SLC17A6: variants seen among roughly 807,000 people sequenced by gnomAD.
The protein encoded by SLC17A6 is vesicular glutamate transporter 2.
A neutral mutation model predicts 67.1 loss-of-function variants in SLC17A6; 35 were observed. That is an observed-to-expected ratio of 0.52 (90% confidence interval 0.40 to 0.69). The LOEUF (loss-of-function observed/expected upper bound fraction) is 0.69, where lower values mean the gene tolerates loss of function less well. Among genes scored for constraint, SLC17A6 ranks in the 30% least tolerant of loss-of-function variants. The pLI, the probability that SLC17A6 is intolerant of heterozygous loss-of-function variation, is 0.00. For synonymous variants in SLC17A6, 285 were observed against 252.3 expected (o/e 1.13, Z -1.23); for missense variants, 588 against 723.9 (o/e 0.81, Z 2.15).
chr11:22,374,900 G>C lies in SLC17A6; in HGVS notation c.1174+13G>C. The C allele has an allele frequency of 6.2e-7, 1 of 1,606,044 alleles. No homozygotes were observed. On this transcript the variant is annotated intron_variant, in intron 9 of 11. Coordinates refer to ENST00000263160, the MANE Select transcript of SLC17A6 (RefSeq NM_020346.3). ...ATGAATTGTGGTGGTAAGTACATAAGTGGCACTAAGGACATGTTTTTAGTT... is the reference window on the plus strand; with the variant it reads ...ATGAATTGTGGTGGTAAGTACATAACTGGCACTAAGGACATGTTTTTAGTT...
At chr11:22,375,891 A>T in intron 9 of SLC17A6, 91 bp from the exon 10 acceptor site, 1 of 730,220 alleles carries the variant, frequency 1.4e-6, no homozygotes, top group Non-Finnish European at 2.3e-6. Flanking sequence ...TGGAATTTCT[A>T]GGTCAATAAG....
intron 3 of SLC17A6, among the ~76,000 whole-genome samples, chr11:22,356,003 G>A: frequency 6.6e-6 from 1 of 152,106 alleles, no homozygotes; most frequent in South Asian, 2.1e-4. Flanking sequence ...CTTTTTCTAA[G>A]TGCCTGCTGA....
intron 8 of SLC17A6, 130 bp downstream of exon 8, chr11:22,370,318 C>A: frequency 1.4e-6 from 1 of 736,462 alleles, no homozygotes. Flanking sequence ...CAAATAACTG[C>A]TAGGAAATAG....
intron 7 of SLC17A6, among the ~76,000 whole-genome samples, 198 bp from the exon 8 acceptor site, chr11:22,369,841 T>A (rs1405566653): frequency 6.6e-6 from 1 of 152,020 alleles, no homozygotes; most frequent in African/African-American, 2.4e-5. Context: ...GTGATTGAGA[T>A]CTTATTTTTT....
intron 3 of SLC17A6, among the ~76,000 whole-genome samples, chr11:22,354,327 A>G (rs1175287095): frequency 6.6e-6 from 1 of 152,102 alleles, no homozygotes; most frequent in Non-Finnish European, 1.5e-5. Context: ...CAGGCGATCC[A>G]CCCACCTCGG....
chr11:22,351,839 G>GA (rs1279000071), intron 3 of SLC17A6, among the ~76,000 whole-genome samples: 3 of 152,094 alleles, frequency 2.0e-5, no homozygotes, highest in African/African-American at 7.2e-5. Context: ...GTAGTGCTGT[G>GA]AAACCCAATT....
intron 1 of SLC17A6, 54 bp from the exon 2 acceptor site, chr11:22,341,474 A>C (rs1052301853): frequency 1.3e-6 from 2 of 1,591,042 alleles, no homozygotes; most frequent in African/African-American, 1.3e-5. Context: ...ATGGGTCAGC[A>C]TCGGGGGTAC....
intron 3 of SLC17A6, 145 bp downstream of exon 3, chr11:22,343,510 G>A (rs1026931600): frequency 3.2e-6 from 2 of 622,742 alleles, no homozygotes; most frequent in Non-Finnish European, 2.7e-6. Context: ...ACCCTCTCAG[G>A]GCTGGAGCTG....
At chr11:22,365,159 TG>T (rs1456348647) in intron 6 of SLC17A6, among the ~76,000 whole-genome samples, 2 of 152,190 alleles carry the variant, frequency 1.3e-5, no homozygotes, top group Non-Finnish European at 2.9e-5. Flanking sequence ...GAAAAGAATT[TG>T]CCCCCAGAAT....
intron 3 of SLC17A6, among the ~76,000 whole-genome samples, chr11:22,355,463 T>C (rs1855984922): frequency 6.6e-6 from 1 of 152,164 alleles, no homozygotes; most frequent in African/African-American, 2.4e-5. Context: ...TAGGTGGTTG[T>C]TAACCACCTC....
At chr11:22,355,217 G>T (rs1449925853) in intron 3 of SLC17A6, among the ~76,000 whole-genome samples, 1 of 152,146 alleles carries the variant, frequency 6.6e-6, no homozygotes, top group Non-Finnish European at 1.5e-5. Context: ...GTGAACCCAG[G>T]CAGTCTGGCT....
At chr11:22,342,972 C>T in intron 2 of SLC17A6, 1 of 545,730 alleles carries the variant, frequency 1.8e-6, no homozygotes, top group South Asian at 1.5e-5. Context: ...CTAGATTCCT[C>T]CTTCATTCAG....
intron 9 of SLC17A6, 106 bp downstream of exon 9, chr11:22,374,993 A>G: frequency 9.0e-7 from 1 of 1,116,446 alleles, no homozygotes; most frequent in Non-Finnish European, 1.2e-6. Flanking sequence ...ATGCAGTTAC[A>G]TTTGTGCCTT....
At chr11:22,353,797 T>C (rs1264886195) in intron 3 of SLC17A6, among the ~76,000 whole-genome samples, 3 of 152,234 alleles carry the variant, frequency 2.0e-5, no homozygotes, top group South Asian at 2.1e-4. Flanking sequence ...TGTCCAACTT[T>C]GTCTAGCTTT....
intron 3 of SLC17A6, among the ~76,000 whole-genome samples, chr11:22,349,135 C>A (rs1855909846): frequency 6.6e-6 from 1 of 152,122 alleles, no homozygotes; most frequent in Non-Finnish European, 1.5e-5. Flanking sequence ...TTGCAACCTC[C>A]ATTGCAAGAA....
At position 22,341,519 on chromosome 11, in the gene SLC17A6, G is replaced by A. The variant is rs199692397; in HGVS notation, c.87-9G>A. 111 of 1,612,072 alleles carry A rather than the reference G, an allele frequency of 6.9e-5. No homozygotes were observed. Among genetic ancestry groups the A allele is most frequent in the Non-Finnish European group, 9.0e-5 (106 of 1,179,258 alleles). ...CAAGTCCTTGACTCGCCCCTGCTCT[G>A]CCGCGCAGGGTGCTGGAGAAGAAGC... On this transcript the variant is annotated splice_polypyrimidine_tract_variant and intron_variant, in intron 1 of 11. Coordinates refer to ENST00000263160, the MANE Select transcript of SLC17A6 (RefSeq NM_020346.3).
intron 3 of SLC17A6, among the ~76,000 whole-genome samples, chr11:22,354,723 C>T (rs746732600): frequency 6.6e-6 from 1 of 152,122 alleles, no homozygotes; most frequent in Non-Finnish European, 1.5e-5. Context: ...GTAATGTAAA[C>T]CATAGTTCTC....
intron 2 of SLC17A6, chr11:22,343,025 G>A (rs1855835019): frequency 3.3e-6 from 2 of 604,792 alleles, no homozygotes; most frequent in Admixed American, 2.5e-5. Context: ...CAAAGCCAGT[G>A]CGCCTGGCCT....
intron 3 of SLC17A6, among the ~76,000 whole-genome samples, chr11:22,347,125 T>C (rs1855886034): frequency 6.6e-6 from 1 of 152,026 alleles, no homozygotes; most frequent in African/African-American, 2.4e-5. Context: ...CTAATGGTAG[T>C]TTTGCCCATG....
Sources: allele counts gnomAD v4.1 joint callset (sites outside exome capture counted in the v4.1 genomes callset), GRCh38; gene constraint gnomAD v4.1.1; transcripts MANE v1.5; gene names NCBI Gene and HGNC (gene_info 2026-07-23, HGNC 2026-07-21).